CAST: variants seen among roughly 807,000 people sequenced by gnomAD.
CAST encodes the protein calpastatin.
Under a neutral mutation model 119.6 loss-of-function variants are expected in CAST, and 76 were observed. That is an observed-to-expected ratio of 0.64 (90% confidence interval 0.53 to 0.77). The LOEUF (loss-of-function observed/expected upper bound fraction) is 0.77. Ranked by LOEUF, CAST falls within the 30% of genes least tolerant of loss-of-function variation. CAST has a pLI of 0.00. For missense variants in CAST, 953 were observed against 946.5 expected (o/e 1.01, Z -0.09); for synonymous variants, 319 against 331.6 (o/e 0.96, Z 0.41).
chr5:96,486,707 G>GC, the CAST span, among the ~76,000 whole-genome samples: 2 of 151,778 alleles, frequency 1.3e-5, no homozygotes, highest in Admixed American at 6.6e-5. Flanking sequence ...TTTTGTGTTG[G>GC]GGGGGCAGAT....
the CAST span, among the ~76,000 whole-genome samples, chr5:96,308,281 G>T: frequency 6.6e-6 from 1 of 151,526 alleles, no homozygotes; most frequent in East Asian, 2.0e-4. Flanking sequence ...TGAAGTTCTC[G>T]TGCTGTGTTT....
chr5:96,303,399 T>A, the CAST span, among the ~76,000 whole-genome samples: 2 of 152,222 alleles, frequency 1.3e-5, no homozygotes, highest in Non-Finnish European at 1.5e-5. Flanking sequence ...GGATTTTCAA[T>A]ACATAACATC....
intron 1 of CAST, among the ~76,000 whole-genome samples, chr5:96,629,362 G>A (rs1398476815): frequency 6.6e-6 from 1 of 151,858 alleles, no homozygotes; most frequent in African/African-American, 2.4e-5. Context: ...CCCAGCTGGT[G>A]TTCTTCTGTT....
At chr5:96,412,854 A>G in the CAST span, 1 of 635,746 alleles carries the variant, frequency 1.6e-6, no homozygotes, top group South Asian at 4.5e-5. Context: ...GGATGAGAGG[A>G]AGTGGCCGTG....
chr5:96,449,676 A>T, the CAST span, among the ~76,000 whole-genome samples: 2 of 152,200 alleles, frequency 1.3e-5, no homozygotes, highest in Non-Finnish European at 2.9e-5. Flanking sequence ...TCAACCCTAA[A>T]TTCTCAGCCA....
chr5:96,560,458 C>G (rs1746334204), intron 1 of CAST, among the ~76,000 whole-genome samples: 1 of 151,896 alleles, frequency 6.6e-6, no homozygotes, highest in Non-Finnish European at 1.5e-5. Flanking sequence ...ATCTACTCAT[C>G]TGACAAAGGG....
the CAST span, among the ~76,000 whole-genome samples, chr5:96,141,294 T>G: frequency 1.3e-5 from 2 of 152,180 alleles, no homozygotes; most frequent in African/African-American, 2.4e-5. Flanking sequence ...CATCTGAATT[T>G]CTGGCTTCTC....
the CAST span, chr5:96,432,926 G>T: frequency 2.5e-5 from 41 of 1,614,172 alleles, no homozygotes; most frequent in Non-Finnish European, 3.3e-5. Flanking sequence ...GGCCCCCGGG[G>T]ATCTCCGCTG....
At chr5:96,490,402 A>G in the CAST span, among the ~76,000 whole-genome samples, 1 of 152,032 alleles carries the variant, frequency 6.6e-6, no homozygotes, top group African/African-American at 2.4e-5. Context: ...ACAAATTGAT[A>G]TAGTAATCCA....
intron 1 of CAST, among the ~76,000 whole-genome samples, chr5:96,642,610 C>A (rs1436335130): frequency 2.0e-5 from 3 of 150,498 alleles, no homozygotes; most frequent in African/African-American, 7.3e-5. Flanking sequence ...ATCCTGATCT[C>A]GGCTCAGTGC....
the CAST span, among the ~76,000 whole-genome samples, chr5:96,377,334 G>A: frequency 1.4e-4 from 21 of 152,028 alleles, no homozygotes; most frequent in Middle Eastern, 3.2e-3. Flanking sequence ...AATGTCTTAG[G>A]CCCTCACATT....
At chr5:96,721,048 A>G (rs1758151499) in intron 3 of CAST, among the ~76,000 whole-genome samples, 1 of 152,224 alleles carries the variant, frequency 6.6e-6, no homozygotes, top group African/African-American at 2.4e-5. Flanking sequence ...AATATTTTCA[A>G]GGAAAAATAT....
the CAST span, among the ~76,000 whole-genome samples, chr5:96,501,372 G>A: frequency 6.6e-6 from 1 of 151,802 alleles, no homozygotes; most frequent in Non-Finnish European, 1.5e-5. Flanking sequence ...AATAAAACAG[G>A]CATAATCATC....
At chr5:95,978,921 G>A in the CAST span, among the ~76,000 whole-genome samples, 3 of 152,086 alleles carry the variant, frequency 2.0e-5, no homozygotes, top group African/African-American at 4.8e-5. Context: ...ATCAGGTGGC[G>A]ACTTAATTAT....
intron 4 of CAST, among the ~76,000 whole-genome samples, chr5:96,725,516 C>T (rs1415215256): frequency 1.3e-5 from 2 of 152,150 alleles, no homozygotes; most frequent in African/African-American, 4.8e-5. Context: ...TATAATAATA[C>T]TTGTCTCATA....
the CAST span, among the ~76,000 whole-genome samples, chr5:96,222,035 T>C: frequency 0.048 from 7,299 of 152,162 alleles, 618 homozygotes; most frequent in African/African-American, 0.17. Context: ...ATAAATAGTG[T>C]TGGGAAAATT....
the CAST span, among the ~76,000 whole-genome samples, chr5:96,300,353 G>T: frequency 6.6e-6 from 1 of 152,062 alleles, no homozygotes; most frequent in Non-Finnish European, 1.5e-5. Context: ...TTAATAAGGA[G>T]ATTATTTGTT....
chr5:96,575,976 T>C (rs1055924622), intron 1 of CAST, among the ~76,000 whole-genome samples: 2 of 152,220 alleles, frequency 1.3e-5, no homozygotes, highest in Admixed American at 6.5e-5. Context: ...ATAATTTTTC[T>C]TGAATGTTAT....
chr5:95,986,671 C>T, the CAST span, among the ~76,000 whole-genome samples: 1 of 152,168 alleles, frequency 6.6e-6, no homozygotes, highest in African/African-American at 2.4e-5. Context: ...CTGATATCGT[C>T]TTCTGGAGCC....
Sources: gnomAD v4.1 joint callset for allele counts (sites outside exome capture counted in the v4.1 genomes callset) on GRCh38, gnomAD v4.1.1 for gene constraint, MANE v1.5 for transcripts, NCBI Gene and HGNC (gene_info 2026-07-23, HGNC 2026-07-21) for gene names.